LRRC4C: variants seen among roughly 807,000 people sequenced by gnomAD.
LRRC4C encodes the protein leucine-rich repeat-containing protein 4C.
Under a neutral mutation model 33.6 loss-of-function variants are expected in LRRC4C, and 5 were observed. The observed-to-expected ratio is 0.15, with a 90% CI of 0.08 to 0.31. LRRC4C has a LOEUF of 0.31. Among genes scored for constraint, LRRC4C ranks in the 10% least tolerant of loss-of-function variants. The pLI, the probability that LRRC4C is intolerant of heterozygous loss-of-function variation, is 1.00. For synonymous variants in LRRC4C, 329 were observed against 302.0 expected, an observed-to-expected ratio of 1.09 and a Z score of -0.93; for missense variants, 560 against 796.7, an observed-to-expected ratio of 0.70 and a Z score of 3.58.
At chr11:40,915,172 CT>C (rs1288808163) in intron 2 of LRRC4C, among the ~76,000 whole-genome samples, 5 of 152,110 alleles carry the variant, frequency 3.3e-5, no homozygotes, top group African/African-American at 1.2e-4. Context: ...CAATGACTTT[CT>C]TCACAGAATT....
In LRRC4C at chr11:40,419,431, C is replaced by A. The variant is rs972306845; in HGVS notation, c.-269-99710G>T. Among the ~76,000 whole-genome samples the A allele has an allele frequency of 2.6e-5, 4 of 151,898 alleles. No homozygotes were observed. In the South Asian group the frequency reaches 6.2e-4, roughly 24 times the overall value. On this transcript the variant is annotated intron_variant, in intron 3 of 6. Coordinates refer to ENST00000528697, the MANE Select transcript of LRRC4C (RefSeq NM_001258419.2). ...AGAAAAATGGCACATCCCAGGGAGA[C>A]AATAATTTGAATTATTACAGAAGTC...
chr11:41,335,073 C>T lies in LRRC4C; in HGVS notation c.-496+124358G>A, dbSNP rs117288138. Among the ~76,000 whole-genome samples, 762 of 152,266 alleles carry T rather than the reference C, an allele frequency of 5.0e-3. 3 individuals are homozygous for T. The highest frequency in any genetic ancestry group is 9.1e-3 in the Non-Finnish European group (620 of 68,022). ...GGTAACACCTCCAAACACCTAACATCCAGTTATACCAATCTATTCAAAATC... is the reference window on the plus strand; with the variant it reads ...GGTAACACCTCCAAACACCTAACATTCAGTTATACCAATCTATTCAAAATC... On this transcript the variant is annotated intron_variant, in intron 1 of 6. Coordinates refer to ENST00000528697, the MANE Select transcript of LRRC4C (RefSeq NM_001258419.2).
chr11:41,039,755 C>T (rs781226324), intron 1 of LRRC4C, among the ~76,000 whole-genome samples: 6 of 152,144 alleles, frequency 3.9e-5, no homozygotes, highest in Non-Finnish European at 7.4e-5. Context: ...GGAGGTTATA[C>T]ACTCCCCAGC....
In LRRC4C at chr11:40,167,461, C is replaced by T. The variant is rs548356897; in HGVS notation, c.-95-26608G>A. 1.3e-4 allele frequency among the ~76,000 whole-genome samples: 20 copies of T among 152,132 alleles called. No homozygotes were observed. The East Asian group carries it at 1.5e-3, about 12-fold the overall frequency. On this transcript the variant is annotated intron_variant, in intron 5 of 6. Transcript: ENST00000528697. ...TTTTATGTTTGGGTAAATGTGTCAA[C>T]GTGAACATTAGTCACTAATACAAGG...
intron 2 of LRRC4C, among the ~76,000 whole-genome samples, chr11:40,692,244 T>C (rs947615583): frequency 2.0e-5 from 3 of 151,840 alleles, no homozygotes; most frequent in African/African-American, 7.3e-5. Flanking sequence ...ACTGGAATAA[T>C]AGCCTTGTTG....
chr11:40,262,292 C>T (rs564428315), intron 4 of LRRC4C, among the ~76,000 whole-genome samples: 98 of 152,260 alleles, frequency 6.4e-4, no homozygotes, highest in Non-Finnish European at 1.2e-3. Context: ...TATACCACCT[C>T]ACACCAGTCA....
intron 1 of LRRC4C, among the ~76,000 whole-genome samples, chr11:41,322,235 G>A (rs1950980321): frequency 6.6e-6 from 1 of 151,892 alleles, no homozygotes; most frequent in Non-Finnish European, 1.5e-5. Context: ...ATGAAAAAAA[G>A]TTCAAGATAT....
chr11:40,500,528 G>A (rs1954708807), intron 3 of LRRC4C, among the ~76,000 whole-genome samples: 1 of 151,810 alleles, frequency 6.6e-6, no homozygotes, highest in Non-Finnish European at 1.5e-5. Flanking sequence ...AATCATGGTG[G>A]GAGGCAAAAG....
intron 1 of LRRC4C, among the ~76,000 whole-genome samples, chr11:41,322,642 A>G (rs1052722540): frequency 6.6e-6 from 1 of 152,216 alleles, no homozygotes; most frequent in Non-Finnish European, 1.5e-5. Context: ...ACGGGTGTCT[A>G]TCACCATAGA....
intron 2 of LRRC4C, among the ~76,000 whole-genome samples, chr11:40,910,377 G>A (rs916408736): frequency 1.5e-4 from 23 of 152,160 alleles, no homozygotes; most frequent in South Asian, 4.2e-4. Context: ...AAAAAAACCC[G>A]GAGATGTTCT....
chr11:40,227,626 A>C (rs1864903947), intron 5 of LRRC4C, among the ~76,000 whole-genome samples: 1 of 152,190 alleles, frequency 6.6e-6, no homozygotes, highest in Non-Finnish European at 1.5e-5. Context: ...ATCCGAATGC[A>C]TGATGACTCC....
intron 5 of LRRC4C, among the ~76,000 whole-genome samples, chr11:40,232,653 C>T (rs2136021204): frequency 6.6e-6 from 1 of 152,248 alleles, no homozygotes; most frequent in South Asian, 2.1e-4. Context: ...TGCAATTCTT[C>T]AGAATGTGGC....
intron 1 of LRRC4C, among the ~76,000 whole-genome samples, chr11:41,375,458 T>C (rs1169796165): frequency 1.3e-5 from 2 of 152,120 alleles, no homozygotes. Flanking sequence ...AAGTTGTTTT[T>C]AAGGGTAAGG....
At chr11:40,887,599 A>C (rs1209944282) in intron 2 of LRRC4C, among the ~76,000 whole-genome samples, 1 of 152,064 alleles carries the variant, frequency 6.6e-6, no homozygotes, top group Non-Finnish European at 1.5e-5. Context: ...GTTGTTACCC[A>C]TAGCATAGCC....
At chr11:40,369,448 C>T (rs1948355467) in intron 3 of LRRC4C, among the ~76,000 whole-genome samples, 1 of 152,122 alleles carries the variant, frequency 6.6e-6, no homozygotes, top group South Asian at 2.1e-4. Flanking sequence ...CGGGTTCAAG[C>T]ATTTCTCAGC....
At chr11:41,258,440 A>C (rs895179460) in intron 1 of LRRC4C, among the ~76,000 whole-genome samples, 1 of 151,964 alleles carries the variant, frequency 6.6e-6, no homozygotes, top group African/African-American at 2.4e-5. Context: ...AACAGATCTG[A>C]TATAATTTTA....
intron 2 of LRRC4C, among the ~76,000 whole-genome samples, chr11:40,782,689 T>G (rs1415720679): frequency 6.6e-6 from 1 of 152,170 alleles, no homozygotes; most frequent in Non-Finnish European, 1.5e-5. Context: ...ATGACAAAGA[T>G]TATTAATAGA....
At position 41,213,778 on chromosome 11, in the gene LRRC4C, C is replaced by A. The variant is rs140958070; in HGVS notation, c.-496+245653G>T. 4.7e-3 allele frequency among the ~76,000 whole-genome samples: 721 copies of A among 152,316 alleles called. 2 individuals carry two copies. The highest frequency in any genetic ancestry group is 8.4e-3 in the Non-Finnish European group (571 of 68,006). On this transcript the variant is annotated intron_variant, in intron 1 of 6. Coordinates refer to ENST00000528697, the MANE Select transcript of LRRC4C (RefSeq NM_001258419.2). Reference sequence around the variant, plus strand: ...ATCTTCTCTTTGAATTACTCCAGGGCTATCCCAACATCCTTAATGAAATCA... The same window carrying A: ...ATCTTCTCTTTGAATTACTCCAGGGATATCCCAACATCCTTAATGAAATCA...
intron 3 of LRRC4C, among the ~76,000 whole-genome samples, chr11:40,550,941 A>G (rs1957106360): frequency 6.6e-6 from 1 of 152,138 alleles, no homozygotes; most frequent in African/African-American, 2.4e-5. Context: ...GATTCCATCA[A>G]TTATGTTTTT....
Sources: gnomAD v4.1 joint callset for allele counts (sites outside exome capture counted in the v4.1 genomes callset) on GRCh38, gnomAD v4.1.1 for gene constraint, MANE v1.5 for transcripts, NCBI Gene and HGNC (gene_info 2026-07-23, HGNC 2026-07-21) for gene names.